Variants in TRPS1 observed in about 807,000 individuals in gnomAD.
The protein encoded by TRPS1 is transcriptional repressor GATA binding 1, also known as zinc finger transcription factor Trps1.
In TRPS1, 6 loss-of-function variants were observed where a neutral mutation model predicts 101.2. The observed-to-expected ratio is 0.06, with a 90% CI of 0.03 to 0.12. The LOEUF is 0.12. Among genes scored for constraint, TRPS1 ranks in the 10% least tolerant of loss-of-function variants. TRPS1 has a pLI of 1.00. For synonymous variants in TRPS1, 578 were observed against 589.8 expected (o/e 0.98, Z 0.29); for missense variants, 1,363 against 1,567.0 (o/e 0.87, Z 2.20).
chr8:115,571,606 A>T (rs575036232), intron 5 of TRPS1, among the ~76,000 whole-genome samples: 5 of 152,252 alleles, frequency 3.3e-5, no homozygotes, highest in Middle Eastern at 6.8e-3. Flanking sequence ...GATATGTAAC[A>T]GTGTTAGCGA....
At chr8:115,635,569 G>A (rs1378395913) in intron 1 of TRPS1, among the ~76,000 whole-genome samples, 3 of 152,140 alleles carry the variant, frequency 2.0e-5, no homozygotes, top group African/African-American at 7.2e-5. Context: ...TCTACCTAGA[G>A]AAAAGAAATA....
intron 5 of TRPS1, among the ~76,000 whole-genome samples, chr8:115,491,561 T>C (rs1332823134): frequency 6.6e-6 from 1 of 151,912 alleles, no homozygotes; most frequent in African/African-American, 2.4e-5. Context: ...GGGAGGATTG[T>C]TTGAGATTAC....
intron 6 of TRPS1, among the ~76,000 whole-genome samples, chr8:115,417,716 T>C (rs1812955900): frequency 6.6e-6 from 1 of 152,154 alleles, no homozygotes. Flanking sequence ...CAAAGTATCT[T>C]TGCACCTTAC....
At chr8:115,535,411 A>T (rs1343533338) in intron 5 of TRPS1, among the ~76,000 whole-genome samples, 5 of 134,476 alleles carry the variant, frequency 3.7e-5, no homozygotes, top group Non-Finnish European at 5.9e-5. Flanking sequence ...TATATAGCAT[A>T]TATAGTGCAT....
chr8:115,615,854 T>C (rs1325509036), intron 3 of TRPS1, among the ~76,000 whole-genome samples: 1 of 152,240 alleles, frequency 6.6e-6, no homozygotes, highest in Non-Finnish European at 1.5e-5. Flanking sequence ...TGTGAGCCTC[T>C]ATGGCCGAAT....
chr8:115,433,685 A>G (rs1813376601), intron 5 of TRPS1, among the ~76,000 whole-genome samples: 1 of 152,144 alleles, frequency 6.6e-6, no homozygotes, highest in Non-Finnish European at 1.5e-5. Context: ...CAGACAAGTA[A>G]TAAATTGTAG....
In TRPS1 at chr8:115,667,607, C is replaced by T. The variant is rs183022822; in HGVS notation, c.-122+938G>A. ...CTTCCTCAGCCCCTACGGAAGCGCC[C>T]GGGCTGCAAGGCCCTGCCACATGGT... is the stretch of plus-strand genomic sequence containing the variant. On this transcript the variant is annotated intron_variant, in intron 1 of 6. Coordinates refer to ENST00000395715, the MANE Select transcript of TRPS1 (RefSeq NM_014112.5). 2.4e-4 allele frequency among the ~76,000 whole-genome samples: 36 copies of T among 152,290 alleles called. 1 individual carries two copies. In the South Asian group the frequency reaches 6.0e-3, roughly 25 times the overall value.
chr8:115,558,946 T>G (rs907315383), intron 5 of TRPS1, among the ~76,000 whole-genome samples: 6 of 152,114 alleles, frequency 3.9e-5, no homozygotes, highest in African/African-American at 1.4e-4. Context: ...AATTCATATG[T>G]TAAGGGGTAA....
intron 5 of TRPS1, among the ~76,000 whole-genome samples, chr8:115,518,229 T>G (rs1291916323): frequency 6.6e-6 from 1 of 151,780 alleles, no homozygotes; most frequent in East Asian, 1.9e-4. Flanking sequence ...ACTATAAATT[T>G]AAATCACACA....
At chr8:115,415,853 T>C (rs1217908105) in intron 6 of TRPS1, among the ~76,000 whole-genome samples, 1 of 152,178 alleles carries the variant, frequency 6.6e-6, no homozygotes, top group Non-Finnish European at 1.5e-5. Flanking sequence ...TATGGAAACC[T>C]AAGCAACAAA....
intron 4 of TRPS1, among the ~76,000 whole-genome samples, chr8:115,588,790 T>C (rs1328199280): frequency 6.6e-6 from 1 of 152,224 alleles, no homozygotes. Context: ...AGCTGTAAGA[T>C]ACTGTAAGTT....
At chr8:115,456,934 G>A (rs375104223) in intron 5 of TRPS1, among the ~76,000 whole-genome samples, 4 of 152,058 alleles carry the variant, frequency 2.6e-5, no homozygotes, top group African/African-American at 9.7e-5. Context: ...GTGCAATCCA[G>A]CTTCCACTAA....
chr8:115,610,162 C>A (rs888757652), intron 3 of TRPS1, among the ~76,000 whole-genome samples: 7 of 152,018 alleles, frequency 4.6e-5, no homozygotes, highest in African/African-American at 1.7e-4. Context: ...GCAACAGAGA[C>A]AATTATAAGG....
chr8:115,490,558 T>A (rs1814995479), intron 5 of TRPS1, among the ~76,000 whole-genome samples: 2 of 152,198 alleles, frequency 1.3e-5, no homozygotes, highest in Non-Finnish European at 2.9e-5. Flanking sequence ...GAAGCAGCTA[T>A]AAACTTAGTA....
At position 115,639,527 on chromosome 8, in the gene TRPS1, A is replaced by G. The variant is rs77784975; in HGVS notation, c.-121-15769T>C. On this transcript the variant is annotated intron_variant, in intron 1 of 6. Coordinates refer to ENST00000395715, the MANE Select transcript of TRPS1 (RefSeq NM_014112.5). Reference sequence around the variant, plus strand: ...CTCTTAAACAGCTTGTACACTAAAAATACAGTATAAATCAAATAATGGCCA... The same window carrying G: ...CTCTTAAACAGCTTGTACACTAAAAGTACAGTATAAATCAAATAATGGCCA... Among the ~76,000 whole-genome samples the G allele has an allele frequency of 3.1e-3, 474 of 152,264 alleles. 2 individuals are homozygous for G. Among genetic ancestry groups the G allele is most frequent in the African/African-American group, 0.011 (461 of 41,546 alleles).
intron 5 of TRPS1, among the ~76,000 whole-genome samples, chr8:115,443,215 A>G (rs1813652162): frequency 6.6e-6 from 1 of 152,178 alleles, no homozygotes; most frequent in Non-Finnish European, 1.5e-5. Context: ...GGCTGCAGTG[A>G]GCTGACATCA....
intron 5 of TRPS1, among the ~76,000 whole-genome samples, chr8:115,441,240 C>T (rs917115975): frequency 6.6e-6 from 1 of 152,216 alleles, no homozygotes; most frequent in African/African-American, 2.4e-5. Flanking sequence ...TGTTTATTAG[C>T]CAGATAACTA....
chr8:115,587,486 C>T lies in TRPS1; in HGVS notation c.2215G>A (p.Gly739Ser). Residue 739 changes from glycine (G) to serine (S), a missense_variant, in exon 5 of 7, where the codon GGC becomes AGC. Around this residue, in one of 5 missense-constraint regions of TRPS1, gnomAD observed 1,020 missense variants for 1,073.0 expected, o/e 0.95. Coordinates refer to ENST00000395715, the MANE Select transcript of TRPS1 (RefSeq NM_014112.5). ...GATATGGCATGACCGTCCTCTTCGC[C>T]GTTGGCTGTAGTGATGTCCTGTTCC... Reference protein sequence around the residue: ...CQEQDITTANGEEDGHAISTI... With the variant: ...CQEQDITTANSEEDGHAISTI... 6.2e-7 allele frequency: 1 copy of T among 1,614,110 alleles called. No individual in the cohort carries two copies. The highest frequency in any genetic ancestry group is 1.1e-5 in the South Asian group (1 of 91,074).
chr8:115,570,709 A>AGACT (rs1817183440), intron 5 of TRPS1, among the ~76,000 whole-genome samples: 1 of 150,972 alleles, frequency 6.6e-6, no homozygotes, highest in African/African-American at 2.4e-5. Flanking sequence ...ACACACACAC[A>AGACT]CACACACACA....
Sources: gnomAD v4.1 joint callset for allele counts (sites outside exome capture counted in the v4.1 genomes callset) on GRCh38, gnomAD v4.1.1 for gene constraint, gnomAD v4.1.1 regional missense constraint, MANE v1.5 for transcripts, NCBI Gene and HGNC (gene_info 2026-07-23, HGNC 2026-07-21) for gene names.